The following LCN10 variants were observed in gnomAD, a reference collection of about 807,000 sequenced individuals.
LCN10 encodes epididymal-specific lipocalin-10.
In LCN10, 18 loss-of-function variants were observed where a neutral mutation model predicts 25.1. The observed-to-expected ratio is 0.72, with a 90% confidence interval of 0.50 to 1.06. LCN10 has a LOEUF of 1.06. Among genes scored for constraint, LCN10 ranks in the 50% least tolerant of loss-of-function variants. LCN10 has a pLI of 0.00. For synonymous variants in LCN10, 130 were observed against 116.7 expected, an observed-to-expected ratio of 1.11 and a Z score of -0.73; for missense variants, 257 against 258.9, an observed-to-expected ratio of 0.99 and a Z score of 0.05.
intron 2 of LCN10, 167 bp from the exon 3 acceptor site, chr9:136,741,528 A>T (rs536976564): frequency 3.2e-6 from 2 of 616,108 alleles, no homozygotes; most frequent in South Asian, 2.0e-5. Flanking sequence ...AACTCGTGTC[A>T]ATCTGAGGCT....
chr9:136,740,491 C>G lies in LCN10; in HGVS notation c.475+345G>C, dbSNP rs796357988. Reference sequence around the variant, plus strand: ...GGGTCACTTCCACACCCCTCCATCCCGGGCAGACCCTTACCTGGGACCCCT... The same window carrying G: ...GGGTCACTTCCACACCCCTCCATCCGGGGCAGACCCTTACCTGGGACCCCT... On this transcript the variant is annotated intron_variant, in intron 4 of 5. Transcript: ENST00000497771. The surrounding 1 kb of genome is among the most constrained non-coding windows in gnomAD (Gnocchi z 5.3). The G allele has an allele frequency of 2.2e-6, 1 of 450,852 alleles. No homozygotes were observed. The highest frequency in any genetic ancestry group is 3.5e-5 in the Admixed American group (1 of 28,416). 27.9% of individuals were successfully genotyped at this position (450,852 alleles called of 1,614,324 possible). A position where few individuals can be genotyped will look rare whatever the true frequency, so the allele number is the denominator to read the frequency against.
rs1233723334 is a variant in LCN10 at position 136,740,658 on chromosome 9, G to A, written c.475+178C>T. Reference sequence around the variant, plus strand: ...TGACGTCCCCTATCCTTGCTTCAGCGACCTCCAGGACCTGACTGCTGTGGT... The same window carrying A: ...TGACGTCCCCTATCCTTGCTTCAGCAACCTCCAGGACCTGACTGCTGTGGT... On this transcript the variant is annotated intron_variant, in intron 4 of 5. Coordinates refer to ENST00000497771, the MANE Select transcript of LCN10 (RefSeq NM_001001712.3). The surrounding 1 kb of genome is among the most constrained non-coding windows in gnomAD (Gnocchi z 5.3). 5 of 572,844 alleles carry A rather than the reference G, an allele frequency of 8.7e-6. No homozygotes were observed. Among genetic ancestry groups the A allele is most frequent in the South Asian group, 4.6e-5 (2 of 43,110 alleles). 35.5% of individuals were successfully genotyped at this position (572,844 alleles called of 1,614,324 possible).
chr9:136,741,035 G>T, intron 3 of LCN10, 92 bp from the exon 4 acceptor site: 1 of 1,202,266 alleles, frequency 8.3e-7, no homozygotes, highest in Non-Finnish European at 1.2e-6. Context: ...AGGCCTCAGA[G>T]CCCCCACCCA....
Position 136,739,490 on chromosome 9 carries a change from A to G in LCN10, c.*35T>C. 6.3e-7 allele frequency: 1 copy of G among 1,582,204 alleles called. No homozygotes were observed. The highest frequency in any genetic ancestry group is 8.6e-7 in the Non-Finnish European group (1 of 1,164,572). ...AACGCTCCTCGGGTCTGGGAGGACC[A>G]CGCGTCGAAAGGGAAGAGCAGAGGA... On this transcript the variant is annotated 3_prime_UTR_variant, in exon 6 of 6. Coordinates refer to ENST00000497771, the MANE Select transcript of LCN10 (RefSeq NM_001001712.3). The surrounding 1 kb of genome is among the most constrained non-coding windows in gnomAD (Gnocchi z 6.1).
Position 136,740,895 on chromosome 9 carries a change from C to G in LCN10, c.416G>C (p.Gly139Ala), listed in dbSNP as rs1846917817. The part of the protein sequence containing the change: ...FHVLSTDYSY[G>A]LVYLRLGRAT... The stretch of plus-strand genomic sequence containing the variant: ...ACGCCCCAGGCGGAGGTAGACCAAG[C>G]CGTAGCTGTAGTCAGTGGACAGCAC... The change falls in exon 4 of 6, where the codon GGC becomes GCC. Residue 139 changes from glycine (G) to alanine (A), a missense_variant. Transcript: ENST00000497771. This position sits in a 1 kb window ranked among gnomAD's most constrained non-coding sequence, Gnocchi z 5.3. 3 of 1,613,682 alleles carry G rather than the reference C, an allele frequency of 1.9e-6. No individual in the cohort carries two copies. Among genetic ancestry groups the G allele is most frequent in the African/African-American group, 1.3e-5 (1 of 74,926 alleles).
Position 136,740,375 on chromosome 9 carries a change from C to G in LCN10, c.476-327G>C. 1 of 464,894 alleles carries G rather than the reference C, an allele frequency of 2.2e-6. No individual in the cohort carries two copies. Among genetic ancestry groups the G allele is most frequent in the Non-Finnish European group, 4.0e-6 (1 of 251,450 alleles). 28.8% of individuals were successfully genotyped at this position (464,894 alleles called of 1,614,324 possible). A position where few individuals can be genotyped will look rare whatever the true frequency, so the allele number is the denominator to read the frequency against. ...CTGAGACCCCAGGACCCCACCTCCC[C>G]TCTACCCGTTCCAACCGGGAGGGCC... On this transcript the variant is annotated intron_variant, in intron 4 of 5. Transcript: ENST00000497771. This position sits in a 1 kb window ranked among gnomAD's most constrained non-coding sequence, Gnocchi z 5.3.
At chr9:136,742,404 C>G in intron 1 of LCN10, 1 of 405,822 alleles carries the variant, frequency 2.5e-6, no homozygotes, top group Non-Finnish European at 4.5e-6. Context: ...GCCCTGGGCA[C>G]CGCCGTGCCA....
rs958466175 is a variant in LCN10, at chr9:136,740,480, C to A, written c.475+356G>T. On this transcript the variant is annotated intron_variant, in intron 4 of 5. Coordinates refer to ENST00000497771, the MANE Select transcript of LCN10 (RefSeq NM_001001712.3). The surrounding 1 kb of genome is among the most constrained non-coding windows in gnomAD (Gnocchi z 5.3). ...TAACCCACACTGGGTCACTTCCACA[C>A]CCCTCCATCCCGGGCAGACCCTTAC... is the stretch of plus-strand genomic sequence containing the variant. 6.7e-5 allele frequency: 30 copies of A among 444,472 alleles called. No homozygotes were observed. Among genetic ancestry groups the A allele is most frequent in the African/African-American group, 5.7e-4 (29 of 51,030 alleles). 27.5% of individuals were successfully genotyped at this position (444,472 alleles called of 1,614,324 possible).
In LCN10 at chr9:136,742,917, C is replaced by T; in HGVS notation, c.-14G>A. On this transcript the variant is annotated 5_prime_UTR_variant, in exon 1 of 6. Transcript: ENST00000497771. ...CCCCTGCCTCATCTTCACCCTCCTC[C>T]CTCAGCCGCCAAGGCCAGTGTTTAA... The T allele has an allele frequency of 1.2e-6, 2 of 1,612,054 alleles. No individual in the cohort carries two copies. Among genetic ancestry groups the T allele is most frequent in the Non-Finnish European group, 1.7e-6 (2 of 1,179,310 alleles).
In LCN10 at chr9:136,741,286, T is replaced by C. The variant is rs763154330; in HGVS notation, c.333A>G (p.Ala111=). Residue 111 remains alanine (A), a synonymous_variant, in exon 3 of 6, where the codon GCA becomes GCG. Transcript: ENST00000497771. Reference sequence around the variant, plus strand: ...GTCCTTCCCTCGGGCCCGCCGCGTATGCACAGGCGTTCCCAAACACCGGCT... The same window carrying C: ...GTCCTTCCCTCGGGCCCGCCGCGTACGCACAGGCGTTCCCAAACACCGGCT... ...GKKPVFGNAC[A]YAAGPREGQE... 9.9e-6 allele frequency: 16 copies of C among 1,613,432 alleles called. No individual in the cohort carries two copies. The East Asian group carries it at 1.3e-4, about 13-fold the overall frequency.
chr9:136,742,090 G>C, intron 1 of LCN10, 70 bp from the exon 2 acceptor site: 1 of 1,577,472 alleles, frequency 6.3e-7, no homozygotes. Context: ...GAGGTTCCCA[G>C]CTAGAGAACC....
chr9:136,742,878 G>A lies in LCN10; in HGVS notation c.26C>T (p.Ala9Val), dbSNP rs142578827. 7.9e-5 allele frequency: 127 copies of A among 1,613,314 alleles called. No individual in the cohort carries two copies. In the African/African-American group the frequency reaches 1.2e-3, roughly 15 times the overall value. MRQGLLVL[A>V]LVLVLVLVLA... ...CACTAGCACCAGCACCAGCACCAGC[G>A]CCAGCACCAGCAGCCCCTGCCTCAT... Residue 9 changes from alanine (A) to valine (V), a missense_variant, in exon 1 of 6, where the codon GCG (alanine) becomes GTG (valine). Transcript: ENST00000497771.
chr9:136,742,924 C>A lies in LCN10; in HGVS notation c.-21G>T, dbSNP rs763986466. ...CTCATCTTCACCCTCCTCCCTCAGC[C>A]GCCAAGGCCAGTGTTTAAACCTCTC... On this transcript the variant is annotated 5_prime_UTR_variant, in exon 1 of 6. Transcript: ENST00000497771. The A allele has an allele frequency of 5.6e-6, 9 of 1,611,106 alleles. No individual in the cohort carries two copies. In the East Asian group the frequency reaches 1.3e-4, roughly 24 times the overall value.
Position 136,740,881 on chromosome 9 carries a change from G to A in LCN10, c.430C>T (p.Arg144Cys), listed in dbSNP as rs763882953. The change falls in exon 4 of 6, where the codon CGC becomes TGC. Residue 144 changes from arginine to cysteine, a missense_variant. Physicochemically the swap from Arg to Cys is radical, Grantham distance 180. Coordinates refer to ENST00000497771, the MANE Select transcript of LCN10 (RefSeq NM_001001712.3). The surrounding 1 kb of genome is among the most constrained non-coding windows in gnomAD (Gnocchi z 5.3). ...TAGTTTTGGGTTGCACGCCCCAGGC[G>A]GAGGTAGACCAAGCCGTAGCTGTAG... The part of the protein sequence containing the change: ...TDYSYGLVYL[R>C]LGRATQNYKN... 21 of 1,613,602 alleles carry A rather than the reference G, an allele frequency of 1.3e-5. No individual in the cohort carries two copies. The highest frequency in any genetic ancestry group is 5.3e-5 in the African/African-American group (4 of 74,932).
rs774614167 is a variant in LCN10, at chr9:136,741,867, C to T, written c.257+14G>A. 14 of 1,594,666 alleles carry T rather than the reference C, an allele frequency of 8.8e-6. No individual in the cohort carries two copies. The highest frequency in any genetic ancestry group is 1.7e-4 in the Middle Eastern group (1 of 5,980). On this transcript the variant is annotated intron_variant, in intron 2 of 5. Transcript: ENST00000497771. ...GAAGGGGAGACCCTTGCCTGGGGGG[C>T]GCTGCCCACTCACCGTCTGAAGGCG...
At chr9:136,741,200 G>A in intron 3 of LCN10, 52 bp downstream of exon 3, 1 of 1,497,508 alleles carries the variant, frequency 6.7e-7, no homozygotes, top group South Asian at 1.1e-5. Context: ...AAGGCACAGG[G>A]GGGTCAGAGG....
In LCN10 at chr9:136,740,017, C is replaced by T. The variant is rs1372787759; in HGVS notation, c.507G>A (p.Leu169=). ...HRQNVSSFQS[L]KEFMDACDIL... ...TGTCACAAGCGTCCATGAATTCCTT[C>T]AGACTCTGGAAGCTCGAAACATTCT... The change falls in exon 5 of 6, where the codon CTG becomes CTA. Residue 169 remains leucine (L), a synonymous_variant. Transcript: ENST00000497771. The surrounding 1 kb of genome is among the most constrained non-coding windows in gnomAD (Gnocchi z 5.3). 6 of 1,585,740 alleles carry T rather than the reference C, an allele frequency of 3.8e-6. No individual in the cohort carries two copies. The highest frequency in any genetic ancestry group is 4.3e-6 in the Non-Finnish European group (5 of 1,165,672).
chr9:136,741,822 G>C, intron 2 of LCN10, 59 bp downstream of exon 2: 2 of 1,536,232 alleles, frequency 1.3e-6, no homozygotes, highest in Non-Finnish European at 1.8e-6. Flanking sequence ...TTCCAGCCCC[G>C]AGGCAGCTCC....
Position 136,740,613 on chromosome 9 carries a change from C to G in LCN10, c.475+223G>C, listed in dbSNP as rs561874858. On this transcript the variant is annotated intron_variant, in intron 4 of 5. Transcript: ENST00000497771. This position sits in a 1 kb window ranked among gnomAD's most constrained non-coding sequence, Gnocchi z 5.3. The stretch of plus-strand genomic sequence containing the variant: ...CCTCCGCTCCCCCTGGATGGCCCAC[C>G]TTTCTCTGCAGCCTCTTCCTGACGT... 2.0e-5 allele frequency: 11 copies of G among 558,124 alleles called. No homozygotes were observed. In the Admixed American group the frequency reaches 2.8e-4, roughly 14 times the overall value. The allele number at this position is 558,124 out of a possible 1,614,324, so 34.6% of individuals were successfully genotyped here.
Sources: allele counts gnomAD v4.1 joint callset, GRCh38; gene constraint gnomAD v4.1.1; non-coding constraint Gnocchi (gnomAD v3.1); transcripts MANE v1.5; gene names NCBI Gene and HGNC (gene_info 2026-07-23, HGNC 2026-07-21).